RAB27B: variants seen among roughly 807,000 people sequenced by gnomAD.
RAB27B encodes the protein ras-related protein Rab-27B.
RAB27B carries 15 observed loss-of-function variants against 24.6 expected under a neutral mutation model. The ratio of observed to expected loss-of-function variants is 0.61; its 90% CI spans 0.41 to 0.94. The LOEUF is 0.94. Ranked by LOEUF, RAB27B falls within the 40% of genes least tolerant of loss-of-function variation. The probability of loss-of-function intolerance (pLI) is 0.00; values close to 1 mark genes in which losing one functional copy is unlikely to be tolerated. For missense variants in RAB27B, 261 were observed against 266.8 expected (o/e 0.98, Z 0.15); for synonymous variants, 105 against 92.5 (o/e 1.14, Z -0.78).
intron 2 of RAB27B, among the ~76,000 whole-genome samples, chr18:54,793,056 C>T (rs1312527115): frequency 6.6e-6 from 1 of 151,188 alleles, no homozygotes; most frequent in African/African-American, 2.4e-5. Flanking sequence ...TTAAATTGAC[C>T]CATGCAGTTC....
At chr18:54,816,380 A>G (rs1910122286) in intron 2 of RAB27B, among the ~76,000 whole-genome samples, 3 of 152,220 alleles carry the variant, frequency 2.0e-5, no homozygotes, top group Non-Finnish European at 2.9e-5. Context: ...CAAATTTCCA[A>G]TATTTTCAAA....
At chr18:54,747,151 A>G (rs1276917237) in intron 2 of RAB27B, among the ~76,000 whole-genome samples, 1 of 151,872 alleles carries the variant, frequency 6.6e-6, no homozygotes, top group Non-Finnish European at 1.5e-5. Flanking sequence ...ATAGAGCAGG[A>G]CCTCCTCCCC....
At chr18:54,733,653 C>CCG (rs944359402) in intron 2 of RAB27B, among the ~76,000 whole-genome samples, 2 of 122,626 alleles carry the variant, frequency 1.6e-5, no homozygotes, top group South Asian at 3.2e-4. Flanking sequence ...TTCTAGAGCC[C>CCG]CCCCCCCCCA....
chr18:54,873,364 A>G (rs1437202323), intron 1 of RAB27B, among the ~76,000 whole-genome samples: 1 of 152,198 alleles, frequency 6.6e-6, no homozygotes, highest in African/African-American at 2.4e-5. Flanking sequence ...ACAGCTTGTG[A>G]TACCACGATA....
At chr18:54,718,862 G>A (rs1037419589) in intron 2 of RAB27B, among the ~76,000 whole-genome samples, 1 of 152,116 alleles carries the variant, frequency 6.6e-6, no homozygotes, top group Non-Finnish European at 1.5e-5. Flanking sequence ...TAAGAGCCTT[G>A]GTGCCAATTT....
chr18:54,775,078 T>G (rs1249854740), intron 2 of RAB27B, among the ~76,000 whole-genome samples: 1 of 152,250 alleles, frequency 6.6e-6, no homozygotes, highest in Non-Finnish European at 1.5e-5. Context: ...TCCTTCCTAC[T>G]GCTTCCTCAG....
chr18:54,855,964 A>G (rs1363521911), intron 1 of RAB27B, among the ~76,000 whole-genome samples: 1 of 152,240 alleles, frequency 6.6e-6, no homozygotes, highest in Admixed American at 6.5e-5. Context: ...TGTCAGCAAC[A>G]TTTGTTGAAC....
At chr18:54,839,658 T>C (rs1268192975) in intron 1 of RAB27B, among the ~76,000 whole-genome samples, 1 of 152,214 alleles carries the variant, frequency 6.6e-6, no homozygotes, top group Non-Finnish European at 1.5e-5. Flanking sequence ...ATGTACTATC[T>C]AGCACCCCCA....
chr18:54,809,340 G>C (rs1372370206), intron 2 of RAB27B, among the ~76,000 whole-genome samples: 2 of 152,174 alleles, frequency 1.3e-5, no homozygotes, highest in Non-Finnish European at 2.9e-5. Context: ...AGTAGAGTAT[G>C]CACTGAAGAG....
intron 2 of RAB27B, among the ~76,000 whole-genome samples, chr18:54,718,713 T>C (rs1262410928): frequency 6.6e-6 from 1 of 152,172 alleles, no homozygotes; most frequent in Non-Finnish European, 1.5e-5. Flanking sequence ...TCTAAGATTC[T>C]TTTTTCCTGT....
intron 2 of RAB27B, among the ~76,000 whole-genome samples, chr18:54,756,864 T>G (rs552673354): frequency 6.6e-6 from 1 of 152,306 alleles, no homozygotes; most frequent in South Asian, 2.1e-4. Context: ...ACTCATCAGG[T>G]TCTTCCTTTA....
chr18:54,745,498 T>A (rs1217642990), intron 2 of RAB27B: 1 of 154,960 alleles, frequency 6.5e-6, no homozygotes, highest in Non-Finnish European at 1.4e-5. Flanking sequence ...TACTCAAGAC[T>A]GGAGCTCTTG....
chr18:54,784,561 A>G (rs1887847985), intron 2 of RAB27B, among the ~76,000 whole-genome samples: 1 of 152,190 alleles, frequency 6.6e-6, no homozygotes, highest in Non-Finnish European at 1.5e-5. Context: ...GAGAACATAC[A>G]ATATTTGGTT....
At chr18:54,778,517 C>T (rs1253841715) in intron 2 of RAB27B, among the ~76,000 whole-genome samples, 1 of 152,180 alleles carries the variant, frequency 6.6e-6, no homozygotes, top group Non-Finnish European at 1.5e-5. Flanking sequence ...TGAATCTCTT[C>T]GCTGAGCCCA....
At chr18:54,747,026 G>T (rs1910271455) in intron 2 of RAB27B, among the ~76,000 whole-genome samples, 1 of 152,124 alleles carries the variant, frequency 6.6e-6, no homozygotes, top group Non-Finnish European at 1.5e-5. Context: ...AATAAAATCA[G>T]TCTCCATGTA....
chr18:54,784,501 G>T (rs1220005209), intron 2 of RAB27B, among the ~76,000 whole-genome samples: 2 of 152,032 alleles, frequency 1.3e-5, no homozygotes, highest in African/African-American at 4.8e-5. Context: ...CCATCTTTGT[G>T]TCCAGGAGTA....
At chr18:54,745,474 A>G (rs1910207038) in intron 2 of RAB27B, 1 of 153,852 alleles carries the variant, frequency 6.5e-6, no homozygotes, top group South Asian at 1.8e-4. Flanking sequence ...CTCTGGGCCC[A>G]CTCAGCAGTT....
intron 2 of RAB27B, among the ~76,000 whole-genome samples, chr18:54,725,417 T>TCATTGAAATTC (rs1378744961): frequency 2.0e-5 from 3 of 151,532 alleles, no homozygotes; most frequent in Admixed American, 2.0e-4. Flanking sequence ...CTTACTTACC[T>TCATTGAAATTC]CATTGAAATT....
At chr18:54,745,708 T>A (rs1245673231) in intron 2 of RAB27B, 1 of 150,802 alleles carries the variant, frequency 6.6e-6, no homozygotes, top group Non-Finnish European at 1.5e-5. Context: ...ATTAGAAGCA[T>A]TCACACTGTC....
Sources: allele counts gnomAD v4.1 joint callset (sites outside exome capture counted in the v4.1 genomes callset), GRCh38; gene constraint gnomAD v4.1.1; transcripts MANE v1.5; gene names NCBI Gene and HGNC (gene_info 2026-07-23, HGNC 2026-07-21).